The following RFX4 variants were observed in gnomAD, a reference collection of about 807,000 sequenced individuals.
RFX4 encodes transcription factor RFX4.
RFX4 carries 10 observed loss-of-function variants against 95.0 expected under a neutral mutation model. That is an observed-to-expected ratio of 0.11 (90% confidence interval 0.06 to 0.18). RFX4 has a LOEUF of 0.18. RFX4 is among the 10% of genes least tolerant of loss of function. The probability of loss-of-function intolerance (pLI) is 1.00; values close to 1 mark genes in which losing one functional copy is unlikely to be tolerated. For missense variants in RFX4, 640 were observed against 922.0 expected (o/e 0.69, Z 3.96); for synonymous variants, 321 against 340.7 (o/e 0.94, Z 0.64).
chr12:106,645,649 T>C (rs1461304435), intron 3 of RFX4, among the ~76,000 whole-genome samples: 1 of 152,198 alleles, frequency 6.6e-6, no homozygotes, highest in Non-Finnish European at 1.5e-5. Flanking sequence ...AGGTAAGACA[T>C]TGGGTTTGGC....
intron 8 of RFX4, among the ~76,000 whole-genome samples, chr12:106,704,408 C>G (rs142897244): frequency 3.3e-5 from 5 of 152,200 alleles, no homozygotes; most frequent in Non-Finnish European, 7.4e-5. Flanking sequence ...CAAAGTTATT[C>G]AAAACATCAG....
intron 1 of RFX4, among the ~76,000 whole-genome samples, chr12:106,584,541 AC>A (rs1592821329): frequency 1.3e-5 from 2 of 152,294 alleles, no homozygotes; most frequent in Non-Finnish European, 1.5e-5. Flanking sequence ...CTGAGCATGC[AC>A]GTCCTTTCCT....
intron 15 of RFX4, among the ~76,000 whole-genome samples, chr12:106,736,535 C>A (rs115301273): frequency 1.5e-4 from 23 of 152,270 alleles, no homozygotes; most frequent in African/African-American, 5.3e-4. Context: ...AACCGACTCT[C>A]TTAAAAGCCC....
At chr12:106,617,660 A>G (rs1321628986) in intron 2 of RFX4, among the ~76,000 whole-genome samples, 1 of 152,156 alleles carries the variant, frequency 6.6e-6, no homozygotes, top group Non-Finnish European at 1.5e-5. Flanking sequence ...CATATAGTCT[A>G]TTTTGGTTAA....
intron 8 of RFX4, among the ~76,000 whole-genome samples, chr12:106,707,286 G>A (rs2042103242): frequency 6.6e-6 from 1 of 152,154 alleles, no homozygotes; most frequent in Non-Finnish European, 1.5e-5. Context: ...AGTTCAACTT[G>A]GAGACCTCTG....
Position 106,608,794 on chromosome 12 carries a change from TAGA to T in RFX4, c.44-2_44del. On this transcript the variant is annotated splice_acceptor_variant and coding_sequence_variant, in exon 2 of 18. Transcript: ENST00000392842. LOFTEE classifies it high-confidence loss of function. Reference sequence around the variant, plus strand: ...TTTCTTTCTTTCTTTTTTTTTTTTTTAGAGAGCTGGATTGAAAGATGTCTCAAC... The same window carrying T: ...TTTCTTTCTTTCTTTTTTTTTTTTTTGAGCTGGATTGAAAGATGTCTCAAC... 1 of 1,559,030 alleles carries T rather than the reference TAGA, an allele frequency of 6.4e-7. No homozygotes were observed. The highest frequency in any genetic ancestry group is 1.2e-5 in the South Asian group (1 of 83,494).
intron 1 of RFX4, among the ~76,000 whole-genome samples, chr12:106,595,666 A>G (rs1380937299): frequency 6.6e-6 from 1 of 152,202 alleles, no homozygotes. Context: ...CTTCATTTCT[A>G]TTTACTTACA....
At chr12:106,756,968 C>G (rs2043119452) in intron 17 of RFX4, among the ~76,000 whole-genome samples, 1 of 152,124 alleles carries the variant, frequency 6.6e-6, no homozygotes, top group Non-Finnish European at 1.5e-5. Flanking sequence ...AAATACTTGT[C>G]AATGAAATGA....
At chr12:106,593,611 A>T (rs1345504982) in intron 1 of RFX4, among the ~76,000 whole-genome samples, 1 of 152,222 alleles carries the variant, frequency 6.6e-6, no homozygotes, top group Non-Finnish European at 1.5e-5. Context: ...TTTGTTTTGA[A>T]TCTTGGCCAT....
intron 15 of RFX4, 70 bp from the exon 16 acceptor site, chr12:106,747,367 C>T: frequency 1.9e-6 from 3 of 1,546,962 alleles, no homozygotes; most frequent in East Asian, 2.3e-5. Context: ...AAAGGGAAGC[C>T]ACTAAAGTAA....
chr12:106,700,507 C>T (rs1226124255), intron 8 of RFX4, among the ~76,000 whole-genome samples: 10 of 148,674 alleles, frequency 6.7e-5, no homozygotes, highest in Admixed American at 1.3e-4. Context: ...CCCGGGTTCA[C>T]GCCATTCTCC....
chr12:106,600,354 G>C (rs2039682878), intron 1 of RFX4, among the ~76,000 whole-genome samples: 1 of 152,108 alleles, frequency 6.6e-6, no homozygotes, highest in Non-Finnish European at 1.5e-5. Context: ...CCTCCAAGAA[G>C]CTTCCTAACT....
intron 10 of RFX4, among the ~76,000 whole-genome samples, chr12:106,713,795 C>T (rs954844253): frequency 1.3e-5 from 2 of 151,970 alleles, no homozygotes; most frequent in African/African-American, 2.4e-5. Flanking sequence ...AGGCAGGGTG[C>T]GGTGGCTCAG....
chr12:106,667,936 G>T (rs1402446151), intron 4 of RFX4, among the ~76,000 whole-genome samples: 1 of 152,174 alleles, frequency 6.6e-6, no homozygotes, highest in Non-Finnish European at 1.5e-5. Flanking sequence ...CAATGCAAAG[G>T]AGCAAAACAC....
At chr12:106,685,174 G>A (rs889101728) in intron 5 of RFX4, among the ~76,000 whole-genome samples, 5 of 152,096 alleles carry the variant, frequency 3.3e-5, no homozygotes, top group African/African-American at 1.2e-4. Flanking sequence ...CTTTAAGGGG[G>A]GAGCAGGGCC....
intron 5 of RFX4, chr12:106,684,972 C>T (rs2041610681): frequency 1.1e-5 from 17 of 1,598,892 alleles, no homozygotes; most frequent in Admixed American, 1.7e-5. Context: ...CTTCCCTCCT[C>T]GCAAAAGCCC....
At chr12:106,595,737 T>C (rs1177506438) in intron 1 of RFX4, among the ~76,000 whole-genome samples, 1 of 152,196 alleles carries the variant, frequency 6.6e-6, no homozygotes, top group Non-Finnish European at 1.5e-5. Flanking sequence ...GAACAGCACC[T>C]TCCATTTGTA....
chr12:106,690,104 A>G lies in RFX4; in HGVS notation c.669+740A>G, dbSNP rs114385909. On this transcript the variant is annotated intron_variant, in intron 7 of 17. Coordinates refer to ENST00000392842, the MANE Select transcript of RFX4 (RefSeq NM_213594.3). ...GGGAAGGGGGTGCTGTTGTAGGTGG[A>G]GGGATATAAAAACGATGTCAGGTAC... is the stretch of plus-strand genomic sequence containing the variant. Among the ~76,000 whole-genome samples, 297 of 152,196 alleles carry G rather than the reference A, an allele frequency of 2.0e-3. 4 individuals carry two copies. Among genetic ancestry groups the G allele is most frequent in the African/African-American group, 6.8e-3 (281 of 41,522 alleles).
intron 2 of RFX4, among the ~76,000 whole-genome samples, chr12:106,631,020 G>A (rs1194028188): frequency 6.6e-6 from 1 of 152,162 alleles, no homozygotes; most frequent in Non-Finnish European, 1.5e-5. Flanking sequence ...TCACTTCTCT[G>A]AGCCTTAGTT....
Sources: allele counts gnomAD v4.1 joint callset (sites outside exome capture counted in the v4.1 genomes callset), GRCh38; gene constraint gnomAD v4.1.1; transcripts MANE v1.5; gene names NCBI Gene and HGNC (gene_info 2026-07-23, HGNC 2026-07-21).